RAD17: variants seen among roughly 807,000 people sequenced by gnomAD.
RAD17 encodes RAD17 checkpoint clamp loader component.
Under a neutral mutation model 81.5 loss-of-function variants are expected in RAD17, and 31 were observed. The ratio of observed to expected loss-of-function variants is 0.38; its 90% CI spans 0.29 to 0.51. RAD17 has a LOEUF of 0.51. Among genes scored for constraint, RAD17 ranks in the 20% least tolerant of loss-of-function variants. The probability of loss-of-function intolerance (pLI) is 0.88; values close to 1 mark genes in which losing one functional copy is unlikely to be tolerated. For missense variants in RAD17, 681 were observed against 781.2 expected (o/e 0.87, Z 1.53); for synonymous variants, 261 against 266.2 (o/e 0.98, Z 0.19).
At chr5:69,409,481 T>G (rs1234894186) in intron 17 of RAD17, among the ~76,000 whole-genome samples, 1 of 152,138 alleles carries the variant, frequency 6.6e-6, no homozygotes, top group Non-Finnish European at 1.5e-5. Context: ...ATGCCTCAGA[T>G]TCTTCCTGTT....
At chr5:69,369,394 C>T (rs1044687847), upstream of RAD17, 2 of 1,565,348 alleles carry the variant, frequency 1.3e-6, no homozygotes, top group African/African-American at 1.4e-5. Context: ...CACCTGGGCG[C>T]CCGATGCCCA....
At chr5:69,410,228 A>C (rs995022240) in intron 17 of RAD17, among the ~76,000 whole-genome samples, 1 of 152,206 alleles carries the variant, frequency 6.6e-6, no homozygotes, top group Admixed American at 6.5e-5. Context: ...AGGATGCACT[A>C]TACTGTTTTC....
chr5:69,385,022 C>G (rs915436501), intron 8 of RAD17, 89 bp downstream of exon 8: 8 of 1,140,402 alleles, frequency 7.0e-6, no homozygotes, highest in Admixed American at 2.9e-5. Context: ...TGCAGTGGCG[C>G]GATCTCAGCT....
At chr5:69,384,751 G>A in intron 7 of RAD17, 46 bp from the exon 8 acceptor site, 1 of 1,528,208 alleles carries the variant, frequency 6.5e-7, no homozygotes, top group South Asian at 1.2e-5. Flanking sequence ...TAATATTAAT[G>A]TATATCATTT....
intron 18 of RAD17, among the ~76,000 whole-genome samples, chr5:69,411,595 GT>G (rs1230789810): frequency 6.6e-6 from 1 of 152,022 alleles, no homozygotes; most frequent in African/African-American, 2.4e-5. Context: ...TAGTGTTAAT[GT>G]TTTTTTCTGT....
chr5:69,369,340 T>C (rs1262209102), upstream of RAD17: 2 of 998,146 alleles, frequency 2.0e-6, no homozygotes, highest in East Asian at 4.1e-5. Context: ...GACAACCGCC[T>C]CGTGGCCCTC....
At chr5:69,370,063 G>A (rs1324417582) in intron 1 of RAD17, 130 bp downstream of exon 1, 2 of 311,666 alleles carry the variant, frequency 6.4e-6, no homozygotes, top group African/African-American at 4.5e-5. Context: ...GGGATGAGAA[G>A]ATTGAGGGTG....
chr5:69,397,285 G>T (rs1764952811), intron 16 of RAD17, among the ~76,000 whole-genome samples: 1 of 152,076 alleles, frequency 6.6e-6, no homozygotes, highest in Non-Finnish European at 1.5e-5. Flanking sequence ...GGGATTACAG[G>T]CATCTACCTC....
chr5:69,411,252 A>G (rs990110903), intron 18 of RAD17, among the ~76,000 whole-genome samples: 1 of 151,716 alleles, frequency 6.6e-6, no homozygotes, highest in Non-Finnish European at 1.5e-5. Context: ...CTCTACTAAA[A>G]ATACAAAATT....
intron 17 of RAD17, among the ~76,000 whole-genome samples, chr5:69,403,780 G>A (rs1454641174): frequency 6.6e-6 from 1 of 152,058 alleles, no homozygotes; most frequent in Non-Finnish European, 1.5e-5. Context: ...AATTAGCTGG[G>A]TGTTGTGGCT....
chr5:69,397,840 G>A (rs887183863), intron 16 of RAD17, among the ~76,000 whole-genome samples: 6 of 151,598 alleles, frequency 4.0e-5, no homozygotes, highest in African/African-American at 7.3e-5. Context: ...AATCATGGCC[G>A]GGCATGGTGG....
intron 11 of RAD17, among the ~76,000 whole-genome samples, chr5:69,386,933 T>A (rs1402174249): frequency 1.3e-5 from 2 of 151,636 alleles, no homozygotes; most frequent in Admixed American, 1.3e-4. Context: ...TCACTTTTTT[T>A]TTTTTTTTGG....
At chr5:69,403,681 C>T (rs1056207093) in intron 17 of RAD17, among the ~76,000 whole-genome samples, 4 of 152,200 alleles carry the variant, frequency 2.6e-5, no homozygotes, top group East Asian at 1.9e-4. Context: ...GAACTTTGGG[C>T]GGCCAAGGTG....
At chr5:69,384,627 CTT>C (rs1764064452) in intron 7 of RAD17, among the ~76,000 whole-genome samples, 168 bp from the exon 8 acceptor site, 1 of 151,902 alleles carries the variant, frequency 6.6e-6, no homozygotes, top group South Asian at 2.1e-4. Flanking sequence ...CATGTTGACT[CTT>C]GTCCTTTGAA....
chr5:69,387,346 C>A (rs1227791427), intron 11 of RAD17, among the ~76,000 whole-genome samples: 2 of 152,216 alleles, frequency 1.3e-5, no homozygotes, highest in Non-Finnish European at 2.9e-5. Flanking sequence ...ATAAATCAAC[C>A]AAATCTTGCA....
At chr5:69,413,255 A>G (rs1766125534) in intron 18 of RAD17, among the ~76,000 whole-genome samples, 1 of 152,106 alleles carries the variant, frequency 6.6e-6, no homozygotes, top group Non-Finnish European at 1.5e-5. Flanking sequence ...ACCCTGGCCA[A>G]CATGGTGAAA....
chr5:69,392,001 C>T lies in RAD17; in HGVS notation c.1177C>T (p.Leu393=), dbSNP rs771557137. The T allele has an allele frequency of 5.2e-6, 8 of 1,538,252 alleles. No individual in the cohort carries two copies. The Admixed American group carries it at 1.2e-4, about 23-fold the overall frequency. Residue 393 remains leucine, a synonymous_variant, in exon 13 of 19, where the codon CTA becomes TTA. Coordinates refer to ENST00000354868, the MANE Select transcript of RAD17 (RefSeq NM_133338.3). ...TCTCTTCAGAGCTTTGGGGAAAATT[C>T]TATATTGTAAAAGTAAGAAATTTTT... is the stretch of plus-strand genomic sequence containing the variant. ...LFLFRALGKI[L]YCKRASLTEL...
chr5:69,383,735 A>G (rs190027231), intron 7 of RAD17, among the ~76,000 whole-genome samples: 1 of 152,284 alleles, frequency 6.6e-6, no homozygotes, highest in East Asian at 1.9e-4. Flanking sequence ...TCTAGAATGA[A>G]CTTCTTAAGC....
intron 17 of RAD17, among the ~76,000 whole-genome samples, 184 bp from the exon 18 acceptor site, chr5:69,410,309 C>T (rs1218594962): frequency 1.3e-5 from 2 of 152,166 alleles, no homozygotes; most frequent in African/African-American, 4.8e-5. Context: ...CATCCTTACC[C>T]ACACTTCTTG....
Sources: allele counts gnomAD v4.1 joint callset (sites outside exome capture counted in the v4.1 genomes callset), GRCh38; gene constraint gnomAD v4.1.1; transcripts MANE v1.5; gene names NCBI Gene and HGNC (gene_info 2026-07-23, HGNC 2026-07-21).